Variants in CADM2 observed in about 807,000 individuals in gnomAD.
CADM2 encodes immunoglobulin superfamily member 4D.
CADM2 carries 12 observed loss-of-function variants against 49.8 expected under a neutral mutation model. That is an observed-to-expected ratio of 0.24 (90% CI 0.15 to 0.39). The LOEUF (loss-of-function observed/expected upper bound fraction) is 0.39. Ranked by LOEUF, CADM2 falls within the 10% of genes least tolerant of loss-of-function variation. CADM2 has a pLI of 1.00. For synonymous variants in CADM2, 214 were observed against 175.4 expected, an observed-to-expected ratio of 1.22 and a Z score of -1.74; for missense variants, 378 against 492.3, an observed-to-expected ratio of 0.77 and a Z score of 2.20.
intron 1 of CADM2, among the ~76,000 whole-genome samples, chr3:85,550,747 C>A (rs2061781808): frequency 6.6e-6 from 1 of 152,082 alleles, no homozygotes; most frequent in Admixed American, 6.6e-5. Context: ...TTAACTTGAT[C>A]TAAAATGCTT....
At chr3:85,414,891 G>A (rs1298857877) in intron 1 of CADM2, among the ~76,000 whole-genome samples, 1 of 152,122 alleles carries the variant, frequency 6.6e-6, no homozygotes, top group Non-Finnish European at 1.5e-5. Context: ...TTATATATGA[G>A]AGACTTTTGA....
At chr3:84,991,247 G>GA in intron 1 of CADM2, among the ~76,000 whole-genome samples, 1 of 147,622 alleles carries the variant, frequency 6.8e-6, no homozygotes, top group East Asian at 2.3e-4. Context: ...AATTGTACTG[G>GA]AAAATTCATT....
chr3:85,778,443 GA>G (rs2070466135), intron 2 of CADM2, among the ~76,000 whole-genome samples: 1 of 152,092 alleles, frequency 6.6e-6, no homozygotes, highest in African/African-American at 2.4e-5. Context: ...GGAGGTAATT[GA>G]ATCATCATGG....
At chr3:85,957,325 T>C (rs1724186334) in intron 7 of CADM2, among the ~76,000 whole-genome samples, 1 of 151,722 alleles carries the variant, frequency 6.6e-6, no homozygotes, top group African/African-American at 2.4e-5. Context: ...TTTTCCAATA[T>C]ATTATATTTT....
chr3:85,624,569 C>T (rs1434278348), intron 1 of CADM2, among the ~76,000 whole-genome samples: 2 of 151,956 alleles, frequency 1.3e-5, no homozygotes, highest in Non-Finnish European at 2.9e-5. Flanking sequence ...CTGACCTCGT[C>T]ATCCACCCGC....
chr3:84,963,561 T>TTTTG (rs546860560), intron 1 of CADM2, among the ~76,000 whole-genome samples: 37 of 152,252 alleles, frequency 2.4e-4, no homozygotes, highest in South Asian at 1.0e-3. Flanking sequence ...CTTTAGGTTT[T>TTTTG]TTTGTTTGTT....
At chr3:85,265,924 T>C (rs1173752576) in intron 1 of CADM2, among the ~76,000 whole-genome samples, 1 of 151,960 alleles carries the variant, frequency 6.6e-6, no homozygotes, top group Non-Finnish European at 1.5e-5. Flanking sequence ...GTATTAAGTC[T>C]GAAGAGACTT....
intron 1 of CADM2, among the ~76,000 whole-genome samples, chr3:85,642,015 C>G (rs2107554596): frequency 6.6e-6 from 1 of 152,154 alleles, no homozygotes; most frequent in Non-Finnish European, 1.5e-5. Context: ...ATCTCCTTGA[C>G]CTTCAAAACA....
chr3:85,680,358 C>CT (rs2066006108), intron 1 of CADM2, among the ~76,000 whole-genome samples: 1 of 152,056 alleles, frequency 6.6e-6, no homozygotes, highest in African/African-American at 2.4e-5. Context: ...AAGGGCTGAT[C>CT]TTGAAAATTT....
intron 1 of CADM2, among the ~76,000 whole-genome samples, chr3:85,035,343 T>G (rs2035169139): frequency 6.6e-6 from 1 of 152,198 alleles, no homozygotes; most frequent in Non-Finnish European, 1.5e-5. Context: ...ATGGCTAGAT[T>G]GCAATTATTT....
chr3:85,967,040 T>C (rs923959955), intron 8 of CADM2, among the ~76,000 whole-genome samples: 1 of 151,676 alleles, frequency 6.6e-6, no homozygotes, highest in Non-Finnish European at 1.5e-5. Flanking sequence ...CTCCTAAGAA[T>C]CAATAAGATT....
At chr3:85,009,913 T>A (rs1194137041) in intron 1 of CADM2, among the ~76,000 whole-genome samples, 1 of 145,358 alleles carries the variant, frequency 6.9e-6, no homozygotes, top group African/African-American at 2.5e-5. Flanking sequence ...ATAAATATTT[T>A]AAAAAATAAA....
intron 1 of CADM2, among the ~76,000 whole-genome samples, chr3:85,549,621 G>GTATT (rs762176344): frequency 6.1e-4 from 92 of 151,622 alleles, no homozygotes; most frequent in Admixed American, 8.6e-4. Flanking sequence ...ATATTTAAAG[G>GTATT]TATTTATTTA....
rs74998209 is a variant in CADM2 at position 85,904,504 on chromosome 3, G to C, written c.530-7869G>C. 2.2e-3 allele frequency among the ~76,000 whole-genome samples: 340 copies of C among 152,286 alleles called. 2 individuals are homozygous for C. Among genetic ancestry groups the C allele is most frequent in the African/African-American group, 7.8e-3 (326 of 41,570 alleles). On this transcript the variant is annotated intron_variant, in intron 5 of 9. Transcript: ENST00000383699. ...GTTGGGGATGAGGTTGAATTAGGGA[G>C]AAAGTCATGGTTCAAATACCATAGA...
chr3:85,457,854 T>C (rs1363935508), intron 1 of CADM2, among the ~76,000 whole-genome samples: 1 of 152,212 alleles, frequency 6.6e-6, no homozygotes, highest in Non-Finnish European at 1.5e-5. Flanking sequence ...GGACACTTTT[T>C]TTAGGTGTTC....
At chr3:85,984,137 TA>T (rs1314149990) in intron 8 of CADM2, among the ~76,000 whole-genome samples, 1 of 150,034 alleles carries the variant, frequency 6.7e-6, no homozygotes, top group Non-Finnish European at 1.5e-5. Flanking sequence ...TTATTCCGAT[TA>T]TATATTATAT....
chr3:85,589,371 T>C (rs987208968), intron 1 of CADM2, among the ~76,000 whole-genome samples: 9 of 151,982 alleles, frequency 5.9e-5, no homozygotes, highest in African/African-American at 1.9e-4. Context: ...AGAGAAGTCG[T>C]GGTCCAATAG....
chr3:85,207,409 C>T (rs2041672217), intron 1 of CADM2, among the ~76,000 whole-genome samples: 1 of 152,072 alleles, frequency 6.6e-6, no homozygotes, highest in Non-Finnish European at 1.5e-5. Flanking sequence ...ATGAGAACCA[C>T]ACTTCATTTA....
chr3:85,096,971 G>A (rs567527546), intron 1 of CADM2, among the ~76,000 whole-genome samples: 16 of 152,200 alleles, frequency 1.1e-4, no homozygotes, highest in Middle Eastern at 3.4e-3. Context: ...TAGTGTGCCA[G>A]TATCTTTGTA....
Sources: gnomAD v4.1 joint callset for allele counts (sites outside exome capture counted in the v4.1 genomes callset) on GRCh38, gnomAD v4.1.1 for gene constraint, MANE v1.5 for transcripts, NCBI Gene and HGNC (gene_info 2026-07-23, HGNC 2026-07-21) for gene names.